ARHGAP24: variants seen among roughly 807,000 people sequenced by gnomAD.
ARHGAP24 encodes Rho GTPase activating protein 24, also known as rho GTPase-activating protein 24.
In ARHGAP24, 50 loss-of-function variants were observed where a neutral mutation model predicts 76.4. The observed-to-expected ratio is 0.65, with a 90% CI of 0.52 to 0.83. The LOEUF (loss-of-function observed/expected upper bound fraction) is 0.83, where lower values mean the gene tolerates loss of function less well. Among genes scored for constraint, ARHGAP24 ranks in the 40% least tolerant of loss-of-function variants. The pLI, the probability that ARHGAP24 is intolerant of heterozygous loss-of-function variation, is 0.00. For synonymous variants in ARHGAP24, 345 were observed against 323.3 expected (o/e 1.07, Z -0.72); for missense variants, 930 against 914.2 (o/e 1.02, Z -0.22).
intron 1 of ARHGAP24, among the ~76,000 whole-genome samples, chr4:85,535,764 C>T (rs973986688): frequency 3.3e-5 from 5 of 152,066 alleles, no homozygotes; most frequent in African/African-American, 1.2e-4. Flanking sequence ...GAATATGTCT[C>T]CCCCCTATCT....
At chr4:85,898,845 G>A (rs151139912) in intron 3 of ARHGAP24, among the ~76,000 whole-genome samples, 2 of 152,254 alleles carry the variant, frequency 1.3e-5, no homozygotes, top group Admixed American at 1.3e-4. Context: ...CCCGGTTCAA[G>A]TGATGCTCCT....
At chr4:85,782,149 T>C (rs567460788) in intron 3 of ARHGAP24, among the ~76,000 whole-genome samples, 14 of 152,278 alleles carry the variant, frequency 9.2e-5, no homozygotes, top group African/African-American at 3.1e-4. Flanking sequence ...AAATGAAATG[T>C]TATTCCAATT....
chr4:85,513,529 A>G (rs1270013000), intron 1 of ARHGAP24, among the ~76,000 whole-genome samples: 3 of 151,038 alleles, frequency 2.0e-5, no homozygotes, highest in African/African-American at 2.5e-5. Context: ...TTGCCTAAAC[A>G]CTCTCCACTT....
At chr4:85,982,783 G>A (rs1026620939) in intron 8 of ARHGAP24, among the ~76,000 whole-genome samples, 2 of 151,852 alleles carry the variant, frequency 1.3e-5, no homozygotes, top group Non-Finnish European at 2.9e-5. Context: ...TCTATTTTAA[G>A]TTCTGGGGCA....
chr4:85,893,908 A>C (rs1434810372), intron 3 of ARHGAP24, among the ~76,000 whole-genome samples: 9 of 119,192 alleles, frequency 7.6e-5, no homozygotes, highest in African/African-American at 2.9e-4. Context: ...ATGAGATCAC[A>C]TGGACACAGG....
At position 85,994,798 on chromosome 4, in the gene ARHGAP24, C is replaced by T. The variant is rs1443916661; in HGVS notation, c.1144C>T (p.Pro382Ser). Residue 382 changes from proline (P) to serine (S), a missense_variant, in exon 9 of 10, where the codon CCC becomes TCC. Transcript: ENST00000395184. The part of the protein sequence containing the change: ...RQCSWDKSES[P>S]QRSSMNNGSP... ...GTGCTCCTGGGACAAGTCTGAGTCACCCCAGAGAAGCAGCATGAACAATGG... is the reference window on the plus strand; with the variant it reads ...GTGCTCCTGGGACAAGTCTGAGTCATCCCAGAGAAGCAGCATGAACAATGG... 6.8e-6 allele frequency: 11 copies of T among 1,613,942 alleles called. No homozygotes were observed. The highest frequency in any genetic ancestry group is 1.7e-5 in the Admixed American group (1 of 59,994).
At chr4:85,512,894 C>T (rs1235009019) in intron 1 of ARHGAP24, among the ~76,000 whole-genome samples, 1 of 152,106 alleles carries the variant, frequency 6.6e-6, no homozygotes, top group Non-Finnish European at 1.5e-5. Context: ...TCAGTACTCC[C>T]ACCAATATAT....
At chr4:85,620,915 A>T (rs1720696409) in intron 2 of ARHGAP24, among the ~76,000 whole-genome samples, 1 of 151,802 alleles carries the variant, frequency 6.6e-6, no homozygotes, top group Non-Finnish European at 1.5e-5. Flanking sequence ...TAGTTTTTCA[A>T]CCCTTTCCCT....
intron 1 of ARHGAP24, among the ~76,000 whole-genome samples, chr4:85,486,809 G>T (rs968494957): frequency 6.6e-6 from 1 of 152,058 alleles, no homozygotes; most frequent in Non-Finnish European, 1.5e-5. Context: ...TATGATGAAA[G>T]CATTGCATGC....
intron 1 of ARHGAP24, among the ~76,000 whole-genome samples, chr4:85,542,889 G>A (rs1249218532): frequency 6.6e-6 from 1 of 152,010 alleles, no homozygotes; most frequent in African/African-American, 2.4e-5. Context: ...TGTGAAATAG[G>A]GATGATAATA....
rs149723840 is a variant in ARHGAP24 at position 85,535,419 on chromosome 4, A to G, written c.-20-35103A>G. On this transcript the variant is annotated intron_variant, in intron 1 of 9. Coordinates refer to ENST00000395184, the MANE Select transcript of ARHGAP24 (RefSeq NM_001025616.3). The stretch of plus-strand genomic sequence containing the variant: ...TAAGAATGTAGAAGTTGGCACTTAC[A>G]ATGTTATTGGTAGTACACAAATTAA... 2.8e-3 allele frequency among the ~76,000 whole-genome samples: 426 copies of G among 152,324 alleles called. 4 individuals are homozygous for G. The highest frequency in any genetic ancestry group is 9.8e-3 in the African/African-American group (408 of 41,582).
intron 1 of ARHGAP24, among the ~76,000 whole-genome samples, chr4:85,481,110 A>T (rs1040529221): frequency 6.6e-6 from 1 of 152,202 alleles, no homozygotes. Context: ...TCTACGTACC[A>T]AGTACTCCAT....
chr4:85,973,114 T>C (rs1314545879), intron 6 of ARHGAP24, among the ~76,000 whole-genome samples: 1 of 152,172 alleles, frequency 6.6e-6, no homozygotes, highest in Non-Finnish European at 1.5e-5. Context: ...GTGACTCTGT[T>C]TTTCAAGAGG....
chr4:85,576,804 A>T (rs1727396836), intron 2 of ARHGAP24, among the ~76,000 whole-genome samples: 1 of 152,116 alleles, frequency 6.6e-6, no homozygotes, highest in African/African-American at 2.4e-5. Flanking sequence ...ACACAGCAAT[A>T]TAGGAATAAC....
intron 2 of ARHGAP24, among the ~76,000 whole-genome samples, chr4:85,685,893 A>G (rs1343429788): frequency 6.6e-6 from 1 of 152,242 alleles, no homozygotes; most frequent in Non-Finnish European, 1.5e-5. Flanking sequence ...TCTCTACTCC[A>G]ATTGGCAGTA....
chr4:85,591,450 A>G (rs769236656), intron 2 of ARHGAP24, among the ~76,000 whole-genome samples: 1 of 152,180 alleles, frequency 6.6e-6, no homozygotes, highest in Non-Finnish European at 1.5e-5. Flanking sequence ...ACACATTTCC[A>G]TCACATTTAG....
intron 5 of ARHGAP24, among the ~76,000 whole-genome samples, chr4:85,969,382 G>T (rs891576871): frequency 2.0e-5 from 3 of 151,814 alleles, no homozygotes; most frequent in Non-Finnish European, 4.4e-5. Flanking sequence ...TTTATTTATT[G>T]TATTTATTCA....
At chr4:85,534,440 C>A (rs983745343) in intron 1 of ARHGAP24, among the ~76,000 whole-genome samples, 1 of 152,088 alleles carries the variant, frequency 6.6e-6, no homozygotes, top group Non-Finnish European at 1.5e-5. Context: ...CCCCTTTCGC[C>A]GCCTGCTCCA....
At chr4:85,855,897 TA>T (rs1162955608) in intron 3 of ARHGAP24, among the ~76,000 whole-genome samples, 2 of 152,194 alleles carry the variant, frequency 1.3e-5, no homozygotes, top group African/African-American at 4.8e-5. Context: ...TTATGCCCCA[TA>T]TAAAATCAAT....
Sources: gnomAD v4.1 joint callset for allele counts (sites outside exome capture counted in the v4.1 genomes callset) on GRCh38, gnomAD v4.1.1 for gene constraint, MANE v1.5 for transcripts, NCBI Gene and HGNC (gene_info 2026-07-23, HGNC 2026-07-21) for gene names.